The following ZNF665 variants were observed in gnomAD, a reference collection of about 807,000 sequenced individuals.
ZNF665 encodes the protein zinc finger protein 665.
ZNF665 carries 6 observed loss-of-function variants against 7.9 expected under a neutral mutation model. That is an observed-to-expected ratio of 0.76 (90% CI 0.42 to 1.50). The LOEUF is 1.50. Ranked by LOEUF, ZNF665 falls within the 40% of genes most tolerant of loss-of-function variation. ZNF665 has a pLI of 0.01. For synonymous variants in ZNF665, 242 were observed against 274.5 expected (o/e 0.88, Z 1.17); for missense variants, 819 against 806.7 (o/e 1.02, Z -0.18).
At chr19:53,179,562 C>G (rs1218623951) in intron 2 of ZNF665, 3 of 151,662 alleles carry the variant, frequency 2.0e-5, no homozygotes, top group African/African-American at 7.3e-5. Flanking sequence ...GACGGCATAC[C>G]CAGGGAGGGC....
At position 53,165,852 on chromosome 19, in the gene ZNF665, T is replaced by C; in HGVS notation, c.638A>G (p.Lys213Arg). 2 of 1,614,220 alleles carry C rather than the reference T, an allele frequency of 1.2e-6. No individual in the cohort carries two copies. The highest frequency in any genetic ancestry group is 2.2e-5 in the South Asian group (2 of 91,082). Reference protein sequence around the residue: ...EKPYQCNKCGKAFTVRSNLTI... With the variant: ...EKPYQCNKCGRAFTVRSNLTI... ...TAGGTTTGAACGAACAGTAAAGGCT[T>C]TGCCACACTTATTACACTGGTAAGG... Residue 213 changes from lysine to arginine, a missense_variant, in exon 4 of 4, where the codon AAA becomes AGA. Lys to Arg is a conservative substitution (Grantham distance 26). Transcript: ENST00000396424.
chr19:53,167,361 TAAG>T (rs1041977444), intron 3 of ZNF665, among the ~76,000 whole-genome samples: 14 of 151,866 alleles, frequency 9.2e-5, no homozygotes, highest in Non-Finnish European at 1.5e-4. Flanking sequence ...TAATCGAAAT[TAAG>T]AAAATATTTT....
At chr19:53,191,530 T>C (rs1170307998) in intron 1 of ZNF665, among the ~76,000 whole-genome samples, 1 of 152,170 alleles carries the variant, frequency 6.6e-6, no homozygotes, top group African/African-American at 2.4e-5. Context: ...AGAAACAAAA[T>C]ATATACATAT....
chr19:53,174,271 A>G (rs2090679893), intron 3 of ZNF665, among the ~76,000 whole-genome samples: 1 of 152,204 alleles, frequency 6.6e-6, no homozygotes, highest in African/African-American at 2.4e-5. Context: ...ATAGAAAGCC[A>G]GTAACAGACG....
In ZNF665 at chr19:53,182,595, C is replaced by G. The variant is rs375601797; in HGVS notation, c.15+289G>C. 3.7e-5 allele frequency: 27 copies of G among 726,006 alleles called. No individual in the cohort carries two copies. In the East Asian group the frequency reaches 6.4e-4, roughly 17 times the overall value. The allele number at this position is 726,006 out of a possible 1,614,324, so 45.0% of individuals were successfully genotyped here. ...ATATTCAAATATGTCCTGAACAATC[C>G]CTGTTGCCCAACAGCACTGACACCA... On this transcript the variant is annotated intron_variant, in intron 2 of 3. Coordinates refer to ENST00000396424, the MANE Select transcript of ZNF665 (RefSeq NM_024733.5).
rs1015591444 is a variant in ZNF665 at position 53,166,156 on chromosome 19, C to G, written c.334G>C (p.Val112Leu). 1.2e-6 allele frequency: 2 copies of G among 1,613,912 alleles called. No individual in the cohort carries two copies. The highest frequency in any genetic ancestry group is 1.7e-6 in the Non-Finnish European group (2 of 1,179,870). Residue 112 changes from valine to leucine, a missense_variant, in exon 4 of 4, where the codon GTA becomes CTA. By Grantham distance (32) the Val-to-Leu change is conservative. Coordinates refer to ENST00000396424, the MANE Select transcript of ZNF665 (RefSeq NM_024733.5). ...WKDDEGNYKT[V>L]LMLQKENLPG... ...AGATTTTCTTTTTGCAACATAAGTA[C>G]TGTTTTATAATTTCCTTCATCATCT...
chr19:53,166,215 T>C lies in ZNF665; in HGVS notation c.275A>G (p.Gln92Arg), dbSNP rs1173864831. ...ACACTCAAAGTCGTATGTATTTTTC[T>C]GAACTTCCTGGAAGGACAAGCCTAC... ...DTVGLSFQEV[Q>R]KNTYDFECQW... The change falls in exon 4 of 4, where the codon CAG becomes CGG. Residue 92 changes from glutamine (Q) to arginine (R), a missense_variant. By Grantham distance (43) the Gln-to-Arg change is conservative. Coordinates refer to ENST00000396424, the MANE Select transcript of ZNF665 (RefSeq NM_024733.5). 3 of 1,613,868 alleles carry C rather than the reference T, an allele frequency of 1.9e-6. No homozygotes were observed. Among genetic ancestry groups the C allele is most frequent in the Admixed American group, 3.3e-5 (2 of 59,992 alleles).
Position 53,182,874 on chromosome 19 carries a change from A to G in ZNF665, c.15+10T>C, listed in dbSNP as rs751737804. 1.5e-5 allele frequency: 24 copies of G among 1,612,930 alleles called. No homozygotes were observed. The highest frequency in any genetic ancestry group is 1.9e-5 in the Non-Finnish European group (22 of 1,180,016). On this transcript the variant is annotated intron_variant, in intron 2 of 3. Coordinates refer to ENST00000396424, the MANE Select transcript of ZNF665 (RefSeq NM_024733.5). ...GGAGACAGAACAATCCACCGAGAAT[A>G]TCATCTCACCTGAGGAAGAGCCATC... is the stretch of plus-strand genomic sequence containing the variant.
chr19:53,184,919 G>A (rs1293967998), intron 1 of ZNF665, among the ~76,000 whole-genome samples: 1 of 152,028 alleles, frequency 6.6e-6, no homozygotes, highest in Non-Finnish European at 1.5e-5. Flanking sequence ...GGCAGCCGAG[G>A]CAGAGAGAGA....
In ZNF665 at chr19:53,162,956, C is replaced by G. The variant is rs2090575363; in HGVS notation, c.*1497G>C. The G allele has an allele frequency of 6.6e-6, 1 of 152,148 alleles. No individual in the cohort carries two copies. Among genetic ancestry groups the G allele is most frequent in the Admixed American group, 6.6e-5 (1 of 15,262 alleles). 9.4% of individuals were successfully genotyped at this position (152,148 alleles called of 1,614,324 possible). A position where few individuals can be genotyped will look rare whatever the true frequency, so the allele number is the denominator to read the frequency against. On this transcript the variant is annotated 3_prime_UTR_variant, in exon 4 of 4. Transcript: ENST00000396424. ...CATTATTTGTACCACACATCAGTCC[C>G]TAATAAGCTATTACTCTCCTCTAAT... is the stretch of plus-strand genomic sequence containing the variant.
At position 53,165,094 on chromosome 19, in the gene ZNF665, C is replaced by T; in HGVS notation, c.1396G>A (p.Val466Ile). Residue 466 changes from valine (V) to isoleucine (I), a missense_variant, in exon 4 of 4, where the codon GTC becomes ATC. Transcript: ENST00000396424. The part of the protein sequence containing the change: ...KPYKCNDCGK[V>I]FTQNSHLASH... ...GCAAGGTGTGAATTTTGTGTGAAGA[C>T]CTTACCGCAGTCATTACATTTGTAA... 1.2e-6 allele frequency: 2 copies of T among 1,613,678 alleles called. No individual in the cohort carries two copies. The highest frequency in any genetic ancestry group is 1.7e-6 in the Non-Finnish European group (2 of 1,179,902).
At chr19:53,170,086 C>A (rs935725508) in intron 3 of ZNF665, among the ~76,000 whole-genome samples, 8 of 143,408 alleles carry the variant, frequency 5.6e-5, no homozygotes, top group Non-Finnish European at 1.1e-4. Context: ...ATTTCTAGTT[C>A]TAGATCCCTG....
Position 53,166,332 on chromosome 19 carries a change from C to T in ZNF665, c.158G>A (p.Cys53Tyr), listed in dbSNP as rs1599870723. The T allele has an allele frequency of 6.3e-7, 1 of 1,578,516 alleles. No homozygotes were observed. The highest frequency in any genetic ancestry group is 2.2e-5 in the East Asian group (1 of 44,468). ...CTTTGGTGGCAAATCCGTGTTTACA[C>T]ATTTACAAGAGATATCTGTAAGATA... is the stretch of plus-strand genomic sequence containing the variant. The part of the protein sequence containing the change: ...NLVSLDISCK[C>Y]VNTDLPPKGK... The change falls in exon 4 of 4, where the codon TGT becomes TAT. Residue 53 changes from cysteine (C) to tyrosine (Y), a missense_variant. Cys to Tyr is a radical substitution (Grantham distance 194). Coordinates refer to ENST00000396424, the MANE Select transcript of ZNF665 (RefSeq NM_024733.5).
At chr19:53,166,368 T>C (rs775529570) in intron 3 of ZNF665, 21 bp from the exon 4 acceptor site, 11 of 1,521,010 alleles carry the variant, frequency 7.2e-6, no homozygotes, top group Admixed American at 4.6e-5. Flanking sequence ...TAAACAACCA[T>C]AGATTTCCAG....
intron 3 of ZNF665, among the ~76,000 whole-genome samples, chr19:53,175,007 T>G (rs1248194116): frequency 6.7e-6 from 1 of 150,202 alleles, no homozygotes; most frequent in Non-Finnish European, 1.5e-5. Flanking sequence ...TAATGTGCTG[T>G]GGCTTTTCCA....
chr19:53,171,504 G>GTGTA (rs140482885), intron 3 of ZNF665, among the ~76,000 whole-genome samples: 25 of 57,766 alleles, frequency 4.3e-4, no homozygotes, highest in African/African-American at 1.1e-3. Flanking sequence ...GTGTGTGTGT[G>GTGTA]TATATATATA....
At chr19:53,177,807 T>C (rs1429045916) in intron 2 of ZNF665, among the ~76,000 whole-genome samples, 2 of 152,226 alleles carry the variant, frequency 1.3e-5, no homozygotes, top group African/African-American at 4.8e-5. Flanking sequence ...TTAAATCCTT[T>C]ACGTGTACTA....
rs1599870854 is a variant in ZNF665 at position 53,166,476 on chromosome 19, A to G, written c.143-129T>C. 12 of 847,016 alleles carry G rather than the reference A, an allele frequency of 1.4e-5. No individual in the cohort carries two copies. In the East Asian group the frequency reaches 2.9e-4, roughly 20 times the overall value. 52.5% of individuals were successfully genotyped at this position (847,016 alleles called of 1,614,324 possible). A position where few individuals can be genotyped will look rare whatever the true frequency, so the allele number is the denominator to read the frequency against. Reference sequence around the variant, plus strand: ...AACAGACTTACGATTCTTCAGAACCATAATTTTCCAGAACACAAAAGGAAC... The same window carrying G: ...AACAGACTTACGATTCTTCAGAACCGTAATTTTCCAGAACACAAAAGGAAC... On this transcript the variant is annotated intron_variant, in intron 3 of 3. Transcript: ENST00000396424.
chr19:53,183,525 C>T (rs1415581662), intron 1 of ZNF665, among the ~76,000 whole-genome samples: 1 of 151,984 alleles, frequency 6.6e-6, no homozygotes, highest in African/African-American at 2.4e-5. Flanking sequence ...AGCCCCCCCA[C>T]CTTCTGGCTG....
Sources: gnomAD v4.1 joint callset for allele counts (sites outside exome capture counted in the v4.1 genomes callset) on GRCh38, gnomAD v4.1.1 for gene constraint, MANE v1.5 for transcripts, NCBI Gene and HGNC (gene_info 2026-07-23, HGNC 2026-07-21) for gene names.